The following BMERB1 variants were observed in gnomAD, a reference collection of about 807,000 sequenced individuals.
BMERB1 encodes bMERB domain containing 1, also known as bMERB domain-containing protein 1.
A neutral mutation model predicts 23.6 loss-of-function variants in BMERB1; 12 were observed. That is an observed-to-expected ratio of 0.51 (90% confidence interval 0.33 to 0.82). The LOEUF (loss-of-function observed/expected upper bound fraction) is 0.82, where lower values mean the gene tolerates loss of function less well. BMERB1 is among the 40% of genes least tolerant of loss of function. The pLI, the probability that BMERB1 is intolerant of heterozygous loss-of-function variation, is 0.03. For synonymous variants in BMERB1, 122 were observed against 96.6 expected, an observed-to-expected ratio of 1.26 and a Z score of -1.54; for missense variants, 247 against 255.4, an observed-to-expected ratio of 0.97 and a Z score of 0.22.
chr16:15,494,643 A>G (rs2051455936), intron 1 of BMERB1, among the ~76,000 whole-genome samples: 1 of 152,150 alleles, frequency 6.6e-6, no homozygotes, highest in Admixed American at 6.5e-5. Context: ...GCTTTTTGGA[A>G]TAACCAAAGT....
intron 2 of BMERB1, among the ~76,000 whole-genome samples, chr16:15,564,536 G>C (rs959439836): frequency 6.6e-6 from 1 of 152,132 alleles, no homozygotes; most frequent in African/African-American, 2.4e-5. Flanking sequence ...GTCTATAATT[G>C]GTTTATTTGC....
chr16:15,462,970 C>T (rs993310785), intron 1 of BMERB1, among the ~76,000 whole-genome samples: 13 of 152,040 alleles, frequency 8.6e-5, no homozygotes, highest in African/African-American at 2.4e-4. Context: ...GCCTGTAAAC[C>T]GCGGAGAGTT....
At chr16:15,574,526 A>G (rs889207344) in intron 3 of BMERB1, among the ~76,000 whole-genome samples, 3 of 152,048 alleles carry the variant, frequency 2.0e-5, no homozygotes, top group African/African-American at 7.2e-5. Flanking sequence ...TAGAAGCAAG[A>G]TGGAGTTGAT....
At chr16:15,466,453 T>G (rs568888732) in intron 1 of BMERB1, among the ~76,000 whole-genome samples, 1 of 152,198 alleles carries the variant, frequency 6.6e-6, no homozygotes, top group South Asian at 2.1e-4. Context: ...CATAGGTATT[T>G]TTTGTATTTT....
chr16:15,557,182 C>T (rs370749838), intron 2 of BMERB1, among the ~76,000 whole-genome samples: 1 of 152,192 alleles, frequency 6.6e-6, no homozygotes, highest in Non-Finnish European at 1.5e-5. Flanking sequence ...CCTATCGTCC[C>T]AGCGTGAAAG....
At chr16:15,461,939 C>T (rs576477816) in intron 1 of BMERB1, among the ~76,000 whole-genome samples, 4 of 151,418 alleles carry the variant, frequency 2.6e-5, no homozygotes, top group African/African-American at 9.7e-5. Flanking sequence ...TTCACCAAAA[C>T]AACAACAACA....
Position 15,557,383 on chromosome 16 carries a change from T to G in BMERB1, c.231-10600T>G, listed in dbSNP as rs564528857. ...TCCAGCCATGCTTCTAAAGCATGGC[T>G]TATTCGAACTTCCAGCTATGCTTTT... On this transcript the variant is annotated intron_variant, in intron 2 of 5. Coordinates refer to ENST00000300006, the MANE Select transcript of BMERB1 (RefSeq NM_033201.3). Among the ~76,000 whole-genome samples, 3 of 152,322 alleles carry G rather than the reference T, an allele frequency of 2.0e-5. No individual in the cohort carries two copies. The East Asian group carries it at 5.8e-4, about 29-fold the overall frequency.
At chr16:15,508,473 C>A (rs1364808776) in intron 1 of BMERB1, among the ~76,000 whole-genome samples, 2 of 152,096 alleles carry the variant, frequency 1.3e-5, no homozygotes, top group Non-Finnish European at 2.9e-5. Flanking sequence ...CTTACAACAT[C>A]AAGCATGGGG....
intron 1 of BMERB1, among the ~76,000 whole-genome samples, chr16:15,494,321 G>T (rs1472975285): frequency 2.6e-5 from 4 of 152,016 alleles, no homozygotes; most frequent in Non-Finnish European, 4.4e-5. Flanking sequence ...GGTCCCAAAG[G>T]GCCTTAGAAA....
chr16:15,577,323 A>G (rs1429311311), intron 3 of BMERB1: 1 of 152,202 alleles, frequency 6.6e-6, no homozygotes, highest in South Asian at 2.1e-4. Flanking sequence ...CTTTTCATTA[A>G]AAGGAAAACC....
At chr16:15,530,626 A>G (rs1002485464) in intron 2 of BMERB1, among the ~76,000 whole-genome samples, 13 of 152,044 alleles carry the variant, frequency 8.6e-5, no homozygotes, top group African/African-American at 3.1e-4. Context: ...TCCCCACCCA[A>G]ATCTTATCCT....
intron 1 of BMERB1, among the ~76,000 whole-genome samples, chr16:15,477,086 C>G (rs1172473789): frequency 6.6e-6 from 1 of 152,054 alleles, no homozygotes; most frequent in Non-Finnish European, 1.5e-5. Context: ...CTGTATTAGT[C>G]TGTTCTCATG....
At chr16:15,516,466 A>G (rs1019970591) in intron 2 of BMERB1, among the ~76,000 whole-genome samples, 1 of 152,210 alleles carries the variant, frequency 6.6e-6, no homozygotes, top group African/African-American at 2.4e-5. Flanking sequence ...ACATCAAATT[A>G]AAATGAAAAA....
intron 1 of BMERB1, among the ~76,000 whole-genome samples, chr16:15,478,309 C>T (rs1475106990): frequency 6.6e-6 from 1 of 152,070 alleles, no homozygotes; most frequent in Non-Finnish European, 1.5e-5. Flanking sequence ...TACAGGCACA[C>T]ACCACCATGC....
At chr16:15,541,534 C>A (rs1252845878) in intron 2 of BMERB1, among the ~76,000 whole-genome samples, 2 of 148,022 alleles carry the variant, frequency 1.4e-5, no homozygotes, top group African/African-American at 5.0e-5. Context: ...AGTGAGCCTC[C>A]TGCTTCAGCC....
Position 15,587,690 on chromosome 16 carries a change from C to T in BMERB1, c.*861C>T, listed in dbSNP as rs1238680004. 2.7e-5 allele frequency: 8 copies of T among 296,344 alleles called. No individual in the cohort carries two copies. Among genetic ancestry groups the T allele is most frequent in the Admixed American group, 7.5e-5 (2 of 26,668 alleles). 18.4% of individuals were successfully genotyped at this position (296,344 alleles called of 1,614,324 possible). Reference sequence around the variant, plus strand: ...CCAGCAGGATGCCACTTTGCCAGCCCGACACACGGACCTTTGTAAAGAACA... The same window carrying T: ...CCAGCAGGATGCCACTTTGCCAGCCTGACACACGGACCTTTGTAAAGAACA... On this transcript the variant is annotated 3_prime_UTR_variant, in exon 6 of 6. Coordinates refer to ENST00000300006, the MANE Select transcript of BMERB1 (RefSeq NM_033201.3).
intron 2 of BMERB1, among the ~76,000 whole-genome samples, chr16:15,524,315 G>A (rs1288054649): frequency 1.3e-5 from 2 of 152,112 alleles, no homozygotes; most frequent in Non-Finnish European, 2.9e-5. Flanking sequence ...TGGGGTGTAG[G>A]GGAGGGAAAG....
chr16:15,586,217 T>C (rs2031135385), intron 5 of BMERB1, among the ~76,000 whole-genome samples: 1 of 151,958 alleles, frequency 6.6e-6, no homozygotes, highest in Non-Finnish European at 1.5e-5. Context: ...AGAGAAGTTA[T>C]AAAACCGAGA....
intron 1 of BMERB1, among the ~76,000 whole-genome samples, chr16:15,505,643 A>G (rs898583339): frequency 6.6e-6 from 1 of 152,136 alleles, no homozygotes; most frequent in Admixed American, 6.5e-5. Flanking sequence ...TAATCCCAGC[A>G]CTTTGGGAGG....
Sources: gnomAD v4.1 joint callset for allele counts (sites outside exome capture counted in the v4.1 genomes callset) on GRCh38, gnomAD v4.1.1 for gene constraint, MANE v1.5 for transcripts, NCBI Gene and HGNC (gene_info 2026-07-23, HGNC 2026-07-21) for gene names.